The following PPARG variants were observed in gnomAD, a reference collection of about 807,000 sequenced individuals.
PPARG encodes the protein peroxisome proliferator activated receptor gamma, also known as peroxisome proliferator-activated receptor gamma.
Under a neutral mutation model 39.2 loss-of-function variants are expected in PPARG, and 17 were observed. That is an observed-to-expected ratio of 0.43 (90% CI 0.30 to 0.65). The LOEUF is 0.65. Ranked by LOEUF, PPARG falls within the 30% of genes least tolerant of loss-of-function variation. PPARG has a pLI of 0.13. For synonymous variants in PPARG, 223 were observed against 215.7 expected (o/e 1.03, Z -0.30); for missense variants, 406 against 585.9 (o/e 0.69, Z 3.17).
chr3:12,297,751 G>C (rs796692252), intron 1 of PPARG: 2 of 152,034 alleles, frequency 1.3e-5, no homozygotes, highest in Non-Finnish European at 2.9e-5. Context: ...CTGGCAAATA[G>C]AGCTTTTAAA....
intron 1 of PPARG, among the ~76,000 whole-genome samples, chr3:12,292,011 A>T (rs539812487): frequency 6.6e-6 from 1 of 152,232 alleles, no homozygotes; most frequent in East Asian, 1.9e-4. Context: ...AAGAACCTTC[A>T]TGAATATCTA....
At chr3:12,361,551 C>T (rs2048847781) in intron 2 of PPARG, among the ~76,000 whole-genome samples, 1 of 152,170 alleles carries the variant, frequency 6.6e-6, no homozygotes, top group Admixed American at 6.5e-5. Context: ...GGGTTTATCT[C>T]TTTCATGGGG....
At chr3:12,293,715 A>G (rs2046708066) in intron 1 of PPARG, among the ~76,000 whole-genome samples, 1 of 152,188 alleles carries the variant, frequency 6.6e-6, no homozygotes, top group African/African-American at 2.4e-5. Context: ...CTGGCTCTAT[A>G]CTAAAGGAGA....
At chr3:12,352,944 T>C (rs1250439736) in intron 2 of PPARG, among the ~76,000 whole-genome samples, 2 of 152,248 alleles carry the variant, frequency 1.3e-5, no homozygotes, top group Non-Finnish European at 2.9e-5. Flanking sequence ...GGGCAGAATG[T>C]CCTGGCTATA....
intron 7 of PPARG, among the ~76,000 whole-genome samples, chr3:12,420,305 C>A (rs1300081959): frequency 6.6e-6 from 1 of 152,186 alleles, no homozygotes; most frequent in Non-Finnish European, 1.5e-5. Context: ...GATTGTGCTT[C>A]CTTAGAGTAA....
intron 6 of PPARG, among the ~76,000 whole-genome samples, chr3:12,408,936 C>T (rs1220895830): frequency 6.6e-6 from 1 of 152,164 alleles, no homozygotes; most frequent in African/African-American, 2.4e-5. Context: ...CAAGATACCT[C>T]ACTCCAGTTG....
intron 7 of PPARG, among the ~76,000 whole-genome samples, chr3:12,425,045 T>A (rs1324288927): frequency 6.6e-6 from 1 of 152,224 alleles, no homozygotes; most frequent in Non-Finnish European, 1.5e-5. Flanking sequence ...TAAGATCGCT[T>A]ATTACAATAT....
At chr3:12,316,310 C>T (rs867658627) in intron 2 of PPARG, among the ~76,000 whole-genome samples, 4 of 152,110 alleles carry the variant, frequency 2.6e-5, no homozygotes, top group Admixed American at 6.6e-5. Flanking sequence ...TGTGTATGTT[C>T]AACTAATTTA....
intron 2 of PPARG, among the ~76,000 whole-genome samples, chr3:12,316,040 GTGAA>G (rs1447345891): frequency 6.6e-6 from 1 of 152,188 alleles, no homozygotes; most frequent in Non-Finnish European, 1.5e-5. Flanking sequence ...TGGGAATTCA[GTGAA>G]TACAAGTAGT....
rs2048598877 is a variant in PPARG, at chr3:12,354,622, G to A, written c.-8-25082G>A. Reference sequence around the variant, plus strand: ...CAAAAAATTAGCCAGGCGTGGTGGTGGGCGCCTGTAGTCCCAGCTACTCAG... The same window carrying A: ...CAAAAAATTAGCCAGGCGTGGTGGTAGGCGCCTGTAGTCCCAGCTACTCAG... On this transcript the variant is annotated intron_variant, in intron 2 of 7. Transcript: ENST00000651735. 3.3e-5 allele frequency among the ~76,000 whole-genome samples: 5 copies of A among 151,844 alleles called. No homozygotes were observed. The South Asian group carries it at 1.0e-3, about 32-fold the overall frequency.
intron 2 of PPARG, among the ~76,000 whole-genome samples, chr3:12,317,958 G>A (rs978735350): frequency 6.6e-6 from 1 of 152,102 alleles, no homozygotes; most frequent in Non-Finnish European, 1.5e-5. Flanking sequence ...AGATTAGAAC[G>A]ATGTGAGTGG....
intron 2 of PPARG, among the ~76,000 whole-genome samples, chr3:12,317,321 T>G (rs892181242): frequency 6.6e-6 from 1 of 152,224 alleles, no homozygotes; most frequent in Non-Finnish European, 1.5e-5. Flanking sequence ...TCATTTTTAT[T>G]ACTAAAAAGC....
At chr3:12,288,566 G>C (rs1004237693), upstream of PPARG, among the ~76,000 whole-genome samples, 8 of 152,072 alleles carry the variant, frequency 5.3e-5, no homozygotes, top group Non-Finnish European at 1.0e-4. Flanking sequence ...ATCCGCGTGC[G>C]TCCGTCCTGA....
At chr3:12,321,238 T>A (rs574270516) in intron 2 of PPARG, among the ~76,000 whole-genome samples, 1 of 152,232 alleles carries the variant, frequency 6.6e-6, no homozygotes. Flanking sequence ...CTGGGATGAG[T>A]GGTGGCTGGC....
At chr3:12,342,222 C>T (rs2125071807) in intron 2 of PPARG, among the ~76,000 whole-genome samples, 1 of 152,302 alleles carries the variant, frequency 6.6e-6, no homozygotes, top group Non-Finnish European at 1.5e-5. Flanking sequence ...GATGGAGAAT[C>T]AAGCTAAATG....
chr3:12,336,771 A>G (rs899464610), intron 2 of PPARG, among the ~76,000 whole-genome samples: 3 of 152,234 alleles, frequency 2.0e-5, no homozygotes, highest in African/African-American at 7.2e-5. Flanking sequence ...AGGAAGAAGA[A>G]TATTTGAACA....
At chr3:12,329,379 G>A (rs1226150351) in intron 2 of PPARG, among the ~76,000 whole-genome samples, 1 of 152,154 alleles carries the variant, frequency 6.6e-6, no homozygotes, top group Non-Finnish European at 1.5e-5. Context: ...ATTAACATGA[G>A]CTGTAGAATT....
chr3:12,379,628 T>G, intron 2 of PPARG, 76 bp from the exon 3 acceptor site: 1 of 1,382,024 alleles, frequency 7.2e-7, no homozygotes, highest in Non-Finnish European at 1.0e-6. Flanking sequence ...CTCTTTTCAT[T>G]TCTCTTTCTG....
chr3:12,328,212 G>T, intron 2 of PPARG: 1 of 1,495,366 alleles, frequency 6.7e-7, no homozygotes, highest in Non-Finnish European at 9.2e-7. Context: ...GTCCTACCTG[G>T]AGCGGAGCGT....
Sources: allele counts gnomAD v4.1 joint callset (sites outside exome capture counted in the v4.1 genomes callset), GRCh38; gene constraint gnomAD v4.1.1; transcripts MANE v1.5; gene names NCBI Gene and HGNC (gene_info 2026-07-23, HGNC 2026-07-21).